FGF12: variants seen among roughly 807,000 people sequenced by gnomAD.
FGF12 encodes the protein fibroblast growth factor 12.
Under a neutral mutation model 23.6 loss-of-function variants are expected in FGF12, and 14 were observed. The ratio of observed to expected loss-of-function variants is 0.59; its 90% CI spans 0.39 to 0.93. The LOEUF is 0.93. FGF12 is among the 40% of genes least tolerant of loss of function. FGF12 has a pLI of 0.00. For missense variants in FGF12, 175 were observed against 217.8 expected (o/e 0.80, Z 1.24); for synonymous variants, 62 against 77.3 (o/e 0.80, Z 1.04).
At chr3:192,665,408 C>A (rs947554884) in intron 2 of FGF12, among the ~76,000 whole-genome samples, 8 of 152,066 alleles carry the variant, frequency 5.3e-5, no homozygotes, top group African/African-American at 1.7e-4. Context: ...CCTTCATATA[C>A]CCCATGGAAT....
At chr3:192,633,670 A>G (rs929831310) in intron 2 of FGF12, among the ~76,000 whole-genome samples, 1 of 152,098 alleles carries the variant, frequency 6.6e-6, no homozygotes, top group Non-Finnish European at 1.5e-5. Flanking sequence ...CACCCTGCAA[A>G]AGCCCCCGCT....
intron 4 of FGF12, among the ~76,000 whole-genome samples, chr3:192,239,371 C>A (rs935168932): frequency 1.1e-4 from 16 of 152,172 alleles, no homozygotes; most frequent in Non-Finnish European, 1.9e-4. Flanking sequence ...TGATCTCTTA[C>A]ACTGAATTGT....
intron 2 of FGF12, among the ~76,000 whole-genome samples, chr3:192,371,124 A>G (rs901705508): frequency 7.2e-5 from 11 of 152,240 alleles, no homozygotes. Context: ...AGGCAGCTCA[A>G]AAATGATTGC....
chr3:192,614,243 A>C (rs1259867355), intron 2 of FGF12, among the ~76,000 whole-genome samples: 2 of 151,956 alleles, frequency 1.3e-5, no homozygotes, highest in Non-Finnish European at 2.9e-5. Flanking sequence ...CTATAGTTAA[A>C]GCTAATTTTT....
intron 2 of FGF12, among the ~76,000 whole-genome samples, chr3:192,660,705 G>A (rs1487551351): frequency 1.3e-5 from 2 of 152,072 alleles, no homozygotes; most frequent in South Asian, 2.1e-4. Context: ...TTGGAAGCAG[G>A]AGATACTTCC....
intron 4 of FGF12, among the ~76,000 whole-genome samples, chr3:192,261,541 T>C (rs938081095): frequency 6.6e-6 from 1 of 152,200 alleles, no homozygotes; most frequent in Non-Finnish European, 1.5e-5. Flanking sequence ...ATTGGCACTA[T>C]GTTTGTGATC....
chr3:192,325,697 A>G (rs1177569006), intron 4 of FGF12, among the ~76,000 whole-genome samples: 1 of 152,232 alleles, frequency 6.6e-6, no homozygotes, highest in Non-Finnish European at 1.5e-5. Context: ...AGGATGGAAC[A>G]GAATTCTTTC....
intron 4 of FGF12, among the ~76,000 whole-genome samples, chr3:192,233,159 C>A (rs1417989191): frequency 2.0e-5 from 3 of 152,184 alleles, no homozygotes; most frequent in Non-Finnish European, 4.4e-5. Context: ...AACTACTTTA[C>A]ATTTCCACCA....
At chr3:192,494,023 G>T (rs887903726) in intron 2 of FGF12, among the ~76,000 whole-genome samples, 2 of 152,148 alleles carry the variant, frequency 1.3e-5, no homozygotes, top group African/African-American at 4.8e-5. Context: ...CGTACCTAGA[G>T]ATTTATCTAA....
intron 3 of FGF12, among the ~76,000 whole-genome samples, chr3:192,342,686 G>A (rs1397771483): frequency 1.3e-5 from 2 of 152,054 alleles, no homozygotes; most frequent in Non-Finnish European, 2.9e-5. Context: ...TGAGGTCGGA[G>A]GATAGCCTGC....
chr3:192,276,745 C>T (rs1221589380), intron 4 of FGF12, among the ~76,000 whole-genome samples: 1 of 152,166 alleles, frequency 6.6e-6, no homozygotes, highest in Non-Finnish European at 1.5e-5. Context: ...CTTGCCCCCT[C>T]TACCTTTCTG....
chr3:192,355,291 T>A (rs1456223525), intron 3 of FGF12, among the ~76,000 whole-genome samples: 2 of 152,216 alleles, frequency 1.3e-5, no homozygotes, highest in Admixed American at 6.5e-5. Context: ...ATATGTATTA[T>A]ATGAAAAAAT....
chr3:192,353,531 G>T lies in FGF12; in HGVS notation c.124+6897C>A, dbSNP rs562674823. Among the ~76,000 whole-genome samples the T allele has an allele frequency of 1.3e-3, 193 of 151,934 alleles. No homozygotes were observed. In the Middle Eastern group the frequency reaches 0.017, roughly 13 times the overall value. ...ACTACAGGCGCCCGCCACCACACCC[G>T]CCTAATTTTTTATATTTTTAGTAGA... On this transcript the variant is annotated intron_variant, in intron 3 of 5. Coordinates refer to ENST00000445105, the MANE Select transcript of FGF12 (RefSeq NM_004113.6).
chr3:192,331,992 A>C (rs1029819249), intron 4 of FGF12, among the ~76,000 whole-genome samples: 41 of 152,116 alleles, frequency 2.7e-4, no homozygotes, highest in African/African-American at 8.9e-4. Context: ...TCACACACAA[A>C]ACAATTAAAG....
At chr3:192,562,572 T>C (rs762957924) in intron 2 of FGF12, among the ~76,000 whole-genome samples, 10 of 152,166 alleles carry the variant, frequency 6.6e-5, no homozygotes, top group African/African-American at 1.2e-4. Context: ...AAAAATTATA[T>C]AGGCCATCTT....
chr3:192,259,909 G>A (rs969282436), intron 4 of FGF12, among the ~76,000 whole-genome samples: 1 of 152,074 alleles, frequency 6.6e-6, no homozygotes, highest in South Asian at 2.1e-4. Flanking sequence ...AGCTGATCTC[G>A]TAGGTGGGAT....
intron 2 of FGF12, among the ~76,000 whole-genome samples, chr3:192,434,726 T>C (rs1458035667): frequency 6.6e-6 from 1 of 152,164 alleles, no homozygotes; most frequent in African/African-American, 2.4e-5. Flanking sequence ...GGAGCAGTTG[T>C]GCTACTCGAA....
intron 2 of FGF12, among the ~76,000 whole-genome samples, chr3:192,558,258 A>G (rs933609232): frequency 6.6e-6 from 1 of 151,948 alleles, no homozygotes; most frequent in African/African-American, 2.4e-5. Flanking sequence ...TCAACAAACA[A>G]AAATAATTTG....
chr3:192,408,393 A>G lies in FGF12; in HGVS notation c.14-47855T>C. 7.1e-7 allele frequency: 1 copy of G among 1,417,954 alleles called. No individual in the cohort carries two copies. Among genetic ancestry groups the G allele is most frequent in the Non-Finnish European group, 9.2e-7 (1 of 1,090,550 alleles). 87.8% of individuals were successfully genotyped at this position (1,417,954 alleles called of 1,614,324 possible). On this transcript the variant is annotated intron_variant, in intron 2 of 5. Coordinates refer to ENST00000445105, the MANE Select transcript of FGF12 (RefSeq NM_004113.6). The surrounding 1 kb of genome is among the most constrained non-coding windows in gnomAD (Gnocchi z 7.3). The stretch of plus-strand genomic sequence containing the variant: ...AAACCCGGCGCTCACAAGGTTAGTC[A>G]AAGTCTGGGCAGTGGCGACAAAATG...
Sources: gnomAD v4.1 joint callset for allele counts (sites outside exome capture counted in the v4.1 genomes callset) on GRCh38, gnomAD v4.1.1 for gene constraint, Gnocchi (gnomAD v3.1) non-coding constraint, MANE v1.5 for transcripts, NCBI Gene and HGNC (gene_info 2026-07-23, HGNC 2026-07-21) for gene names.